Variants in SAXO1 observed in about 807,000 individuals in gnomAD.
SAXO1 encodes stabilizer of axonemal microtubules 1.
A neutral mutation model predicts 17.5 loss-of-function variants in SAXO1; 21 were observed. The ratio of observed to expected loss-of-function variants is 1.20; its 90% CI spans 0.85 to 1.72. The LOEUF is 1.72. SAXO1 is among the 40% of genes most tolerant of loss of function. The pLI is 0.00. For missense variants in SAXO1, 843 were observed against 596.0 expected (o/e 1.41, Z -4.32); for synonymous variants, 274 against 216.5 (o/e 1.27, Z -2.33).
At chr9:18,976,225 G>T (rs945964430) in intron 1 of SAXO1, among the ~76,000 whole-genome samples, 1 of 152,176 alleles carries the variant, frequency 6.6e-6, no homozygotes, top group African/African-American at 2.4e-5. Flanking sequence ...AGAGTAGAAA[G>T]AACTGCATGG....
At chr9:18,968,858 T>A (rs1253231151) in intron 1 of SAXO1, among the ~76,000 whole-genome samples, 1 of 152,108 alleles carries the variant, frequency 6.6e-6, no homozygotes, top group Admixed American at 6.5e-5. Context: ...CCTCCCAAAG[T>A]GCTAGGATTA....
intron 1 of SAXO1, among the ~76,000 whole-genome samples, chr9:19,023,100 T>C (rs1835315633): frequency 6.6e-6 from 1 of 151,844 alleles, no homozygotes; most frequent in East Asian, 1.9e-4. Flanking sequence ...ACCATTCTTA[T>C]CATCAATATT....
At chr9:19,018,443 G>A (rs1460319469) in intron 1 of SAXO1, among the ~76,000 whole-genome samples, 1 of 152,204 alleles carries the variant, frequency 6.6e-6, no homozygotes, top group Non-Finnish European at 1.5e-5. Context: ...CAGCTCCAAG[G>A]TGGGTGTGAA....
At chr9:18,981,751 C>A (rs185230987) in intron 1 of SAXO1, among the ~76,000 whole-genome samples, 10 of 152,216 alleles carry the variant, frequency 6.6e-5, no homozygotes, top group Middle Eastern at 3.4e-3. Flanking sequence ...TGGGGCCCCA[C>A]CTCACAAGTG....
chr9:18,930,484 C>T lies in SAXO1; in HGVS notation c.422-1429G>A, dbSNP rs530465165. ...ATGACAAACCATGTGATTCAACTGC[C>T]TTGGCACTGCTGGAACTTTTTTTTT... is the stretch of plus-strand genomic sequence containing the variant. On this transcript the variant is annotated intron_variant, in intron 3 of 3. Coordinates refer to ENST00000380534, the MANE Select transcript of SAXO1 (RefSeq NM_153707.4). Among the ~76,000 whole-genome samples the T allele has an allele frequency of 2.0e-5, 3 of 150,856 alleles. No individual in the cohort carries two copies. The South Asian group carries it at 6.3e-4, about 32-fold the overall frequency.
chr9:18,939,536 G>A lies in SAXO1; in HGVS notation c.421+2101C>T, dbSNP rs545966706. ...GGGCTCAGAATGTGATCTTTCAGCT[G>A]CTAGCTGAAAGGATAAGTGCTAGAT... is the stretch of plus-strand genomic sequence containing the variant. On this transcript the variant is annotated intron_variant, in intron 3 of 3. Transcript: ENST00000380534. Among the ~76,000 whole-genome samples the A allele has an allele frequency of 3.7e-4, 57 of 152,358 alleles. No homozygotes were observed. The South Asian group carries it at 0.011, about 30-fold the overall frequency.
At chr9:18,931,597 T>C (rs1831053605) in intron 3 of SAXO1, among the ~76,000 whole-genome samples, 1 of 152,238 alleles carries the variant, frequency 6.6e-6, no homozygotes, top group South Asian at 2.1e-4. Context: ...CCAAATGTTC[T>C]CAAAGTGGAG....
At chr9:18,978,848 C>T (rs769614548) in intron 1 of SAXO1, among the ~76,000 whole-genome samples, 6 of 151,980 alleles carry the variant, frequency 3.9e-5, no homozygotes, top group Non-Finnish European at 7.3e-5. Flanking sequence ...ACACCAAAAC[C>T]GTATCAATCC....
At chr9:18,937,157 T>C (rs375974773) in intron 3 of SAXO1, among the ~76,000 whole-genome samples, 1 of 152,202 alleles carries the variant, frequency 6.6e-6, no homozygotes, top group African/African-American at 2.4e-5. Flanking sequence ...CAAGGGGTGA[T>C]ACACCAAGAG....
chr9:18,945,902 C>A (rs929985852), intron 2 of SAXO1, among the ~76,000 whole-genome samples: 2 of 152,168 alleles, frequency 1.3e-5, no homozygotes, highest in African/African-American at 4.8e-5. Flanking sequence ...AGCTTCCAGC[C>A]TGAAGGTCAG....
At chr9:19,021,610 AC>A (rs1160774318) in intron 1 of SAXO1, among the ~76,000 whole-genome samples, 1 of 152,202 alleles carries the variant, frequency 6.6e-6, no homozygotes, top group Non-Finnish European at 1.5e-5. Context: ...ATATTCAAGG[AC>A]CTGAACAAGT....
In SAXO1 at chr9:18,956,582, G is replaced by A. The variant is rs148841943; in HGVS notation, c.39-5645C>T. Reference sequence around the variant, plus strand: ...AGGGGCTCAGAGGCAGGAAGATCTGGTTCCAATCCTAGCTCTGCCACTGAC... The same window carrying A: ...AGGGGCTCAGAGGCAGGAAGATCTGATTCCAATCCTAGCTCTGCCACTGAC... On this transcript the variant is annotated intron_variant, in intron 1 of 3. Coordinates refer to ENST00000380534, the MANE Select transcript of SAXO1 (RefSeq NM_153707.4). Among the ~76,000 whole-genome samples the A allele has an allele frequency of 3.0e-3, 452 of 152,258 alleles. 1 individual carries two copies. Among genetic ancestry groups the A allele is most frequent in the African/African-American group, 9.9e-3 (410 of 41,534 alleles).
At chr9:19,000,598 T>C (rs1221502316) in intron 1 of SAXO1, among the ~76,000 whole-genome samples, 2 of 152,276 alleles carry the variant, frequency 1.3e-5, no homozygotes, top group Non-Finnish European at 2.9e-5. Flanking sequence ...GAAGCACCTC[T>C]GCCCAGCCAC....
At chr9:19,004,028 T>A (rs1274646706) in intron 1 of SAXO1, among the ~76,000 whole-genome samples, 1 of 151,882 alleles carries the variant, frequency 6.6e-6, no homozygotes, top group Non-Finnish European at 1.5e-5. Flanking sequence ...CACAAAGAAC[T>A]TAAATTTACA....
chr9:19,035,976 A>C (rs1358243005), upstream of SAXO1, among the ~76,000 whole-genome samples: 1 of 152,172 alleles, frequency 6.6e-6, no homozygotes, highest in Non-Finnish European at 1.5e-5. Flanking sequence ...AATAGAAAAG[A>C]AAAACCTTCT....
In SAXO1 at chr9:18,928,127, G is replaced by A. The variant is rs1250108277; in HGVS notation, c.1350C>T (p.Gly450=). 3.1e-6 allele frequency: 5 copies of A among 1,614,194 alleles called. No individual in the cohort carries two copies. The South Asian group carries it at 5.5e-5, about 18-fold the overall frequency. ...CAGAAAGATGGCTGCTCTGCTGAGA[G>A]CCTGCCTGGGAAACTGGTTTGTATA... is the stretch of plus-strand genomic sequence containing the variant. ...HRIYKPVSQA[G]SQQSSHLSVD... The change falls in exon 4 of 4, where the codon GGC becomes GGT. Residue 450 remains glycine, a synonymous_variant. Coordinates refer to ENST00000380534, the MANE Select transcript of SAXO1 (RefSeq NM_153707.4).
chr9:18,979,088 T>A (rs1033355075), intron 1 of SAXO1, among the ~76,000 whole-genome samples: 4 of 152,214 alleles, frequency 2.6e-5, no homozygotes, highest in African/African-American at 9.6e-5. Flanking sequence ...TCTATTCTAG[T>A]ACCTCATTGA....
At chr9:18,940,834 G>A (rs1831520975) in intron 3 of SAXO1, among the ~76,000 whole-genome samples, 1 of 152,070 alleles carries the variant, frequency 6.6e-6, no homozygotes, top group African/African-American at 2.4e-5. Flanking sequence ...CAGTTTCTAG[G>A]ACCACACCTC....
At chr9:19,027,831 A>G (rs952100562) in intron 1 of SAXO1, 2 of 1,453,176 alleles carry the variant, frequency 1.4e-6, no homozygotes, top group African/African-American at 2.8e-5. Context: ...GCAGTCACAA[A>G]CCGGGTGGAC....
Sources: allele counts gnomAD v4.1 joint callset (sites outside exome capture counted in the v4.1 genomes callset), GRCh38; gene constraint gnomAD v4.1.1; transcripts MANE v1.5; gene names NCBI Gene and HGNC (gene_info 2026-07-23, HGNC 2026-07-21).